FHOD3: variants seen among roughly 807,000 people sequenced by gnomAD.
The protein encoded by FHOD3 is formin homology 2 domain containing 3, also known as FH1/FH2 domain-containing protein 3.
Under a neutral mutation model 173.0 loss-of-function variants are expected in FHOD3, and 90 were observed. The ratio of observed to expected loss-of-function variants is 0.52; its 90% CI spans 0.44 to 0.62. The LOEUF is 0.62. Among genes scored for constraint, FHOD3 ranks in the 20% least tolerant of loss-of-function variants. The probability of loss-of-function intolerance (pLI) is 0.00; values close to 1 mark genes in which losing one functional copy is unlikely to be tolerated. For missense variants in FHOD3, 1,945 were observed against 2,034.7 expected, an observed-to-expected ratio of 0.96 and a Z score of 0.85; for synonymous variants, 828 against 823.0, an observed-to-expected ratio of 1.01 and a Z score of -0.10.
rs376831087 is a variant in FHOD3, at chr18:36,658,206, G to C, written c.1835+18G>C. On this transcript the variant is annotated intron_variant, in intron 14 of 28. Coordinates refer to ENST00000590592, the MANE Select transcript of FHOD3 (RefSeq NM_001281740.3). ...TTGGAAAGGTGAGTTCGACAAGCACGCTGATAGCTTCACAGTCCTCAAGTG... is the reference window on the plus strand; with the variant it reads ...TTGGAAAGGTGAGTTCGACAAGCACCCTGATAGCTTCACAGTCCTCAAGTG... 6.5e-7 allele frequency: 1 copy of C among 1,527,864 alleles called. No homozygotes were observed. The highest frequency in any genetic ancestry group is 1.2e-5 in the South Asian group (1 of 84,642). The allele number at this position is 1,527,864 out of a possible 1,614,324, so 94.6% of individuals were successfully genotyped here.
intron 3 of FHOD3, among the ~76,000 whole-genome samples, chr18:36,494,713 T>C (rs2054648526): frequency 6.6e-6 from 1 of 152,192 alleles, no homozygotes; most frequent in African/African-American, 2.4e-5. Context: ...TGGCCACCCC[T>C]TGGGGCTGTG....
intron 3 of FHOD3, among the ~76,000 whole-genome samples, chr18:36,403,350 A>G (rs1303406265): frequency 2.0e-5 from 3 of 152,198 alleles, no homozygotes; most frequent in Non-Finnish European, 4.4e-5. Context: ...GAAGAAAACT[A>G]GTTAGTTCAC....
rs60591850 is a variant in FHOD3, at chr18:36,680,351, T to C, written c.1836-1085T>C. Among the ~76,000 whole-genome samples the C allele has an allele frequency of 3.7e-3, 560 of 152,344 alleles. 2 individuals are homozygous for C. The highest frequency in any genetic ancestry group is 0.013 in the African/African-American group (533 of 41,588). ...ATCTGTGTTCCCCACCTTGCAGGTATATTTTTCACTGAATCCAGGTAGGAT... is the reference window on the plus strand; with the variant it reads ...ATCTGTGTTCCCCACCTTGCAGGTACATTTTTCACTGAATCCAGGTAGGAT... On this transcript the variant is annotated intron_variant, in intron 14 of 28. Coordinates refer to ENST00000590592, the MANE Select transcript of FHOD3 (RefSeq NM_001281740.3).
intron 3 of FHOD3, among the ~76,000 whole-genome samples, chr18:36,448,954 C>T (rs1198010885): frequency 6.6e-6 from 1 of 151,620 alleles, no homozygotes; most frequent in Non-Finnish European, 1.5e-5. Context: ...CCCTTTCCTC[C>T]CCCTCCCTAC....
At chr18:36,400,451 C>G (rs1312879402) in intron 3 of FHOD3, among the ~76,000 whole-genome samples, 1 of 152,182 alleles carries the variant, frequency 6.6e-6, no homozygotes, top group Non-Finnish European at 1.5e-5. Flanking sequence ...ACTTTCCACT[C>G]AAAGTGTGGT....
intron 3 of FHOD3, among the ~76,000 whole-genome samples, chr18:36,381,694 A>G (rs2047799605): frequency 6.6e-6 from 1 of 152,078 alleles, no homozygotes; most frequent in Admixed American, 6.5e-5. Context: ...TCAGAAGGAG[A>G]CCCCAAATTA....
At chr18:36,510,812 A>T (rs1298523607) in intron 4 of FHOD3, among the ~76,000 whole-genome samples, 1 of 152,168 alleles carries the variant, frequency 6.6e-6, no homozygotes, top group East Asian at 1.9e-4. Flanking sequence ...AGCCATGATT[A>T]TCTTGAAGTC....
intron 3 of FHOD3, among the ~76,000 whole-genome samples, chr18:36,427,691 C>CT (rs2050323365): frequency 6.6e-6 from 1 of 152,168 alleles, no homozygotes; most frequent in Non-Finnish European, 1.5e-5. Context: ...GATCGAGAGA[C>CT]TGTTTTTTTC....
At chr18:36,511,712 C>A (rs7243835) in intron 4 of FHOD3, among the ~76,000 whole-genome samples, 18,628 of 152,130 alleles carry the variant, frequency 0.12, 1,553 homozygotes, top group East Asian at 0.47. Flanking sequence ...CTAGGCAATG[C>A]CCTTGCTGCC....
At chr18:36,598,938 TG>T (rs1315357930) in intron 7 of FHOD3, among the ~76,000 whole-genome samples, 1 of 152,268 alleles carries the variant, frequency 6.6e-6, no homozygotes, top group Non-Finnish European at 1.5e-5. Flanking sequence ...CAGGTTCATC[TG>T]TGGGGCATGG....
intron 1 of FHOD3, among the ~76,000 whole-genome samples, chr18:36,352,798 G>A (rs1027928793): frequency 7.2e-5 from 11 of 152,186 alleles, no homozygotes; most frequent in Non-Finnish European, 1.6e-4. Context: ...TTAAAAATAG[G>A]CAAAGTGTTG....
chr18:36,317,657 T>A (rs1410450198), intron 1 of FHOD3, among the ~76,000 whole-genome samples: 1 of 152,224 alleles, frequency 6.6e-6, no homozygotes, highest in African/African-American at 2.4e-5. Flanking sequence ...TTGCAAAAAT[T>A]TTCTCCCATT....
chr18:36,587,288 T>C (rs1304334919), intron 6 of FHOD3, among the ~76,000 whole-genome samples: 1 of 152,158 alleles, frequency 6.6e-6, no homozygotes, highest in Non-Finnish European at 1.5e-5. Context: ...TAGATGATAA[T>C]GAAGTTAGAA....
At chr18:36,616,986 G>A (rs539426245) in intron 9 of FHOD3, among the ~76,000 whole-genome samples, 4 of 152,140 alleles carry the variant, frequency 2.6e-5, no homozygotes, top group Non-Finnish European at 5.9e-5. Context: ...TGTAAGTGAG[G>A]TTCACAAGGT....
At chr18:36,431,440 C>T (rs1051230429) in intron 3 of FHOD3, among the ~76,000 whole-genome samples, 31 of 152,180 alleles carry the variant, frequency 2.0e-4, no homozygotes, top group African/African-American at 4.6e-4. Context: ...CTGTTTCCAT[C>T]GGTCAAGTCT....
intron 24 of FHOD3, among the ~76,000 whole-genome samples, chr18:36,754,448 A>G (rs2042539232): frequency 6.6e-6 from 1 of 152,168 alleles, no homozygotes; most frequent in Non-Finnish European, 1.5e-5. Context: ...ATTTTAAAAC[A>G]AATAATGTTT....
At chr18:36,561,580 C>T (rs2058083163) in intron 5 of FHOD3, among the ~76,000 whole-genome samples, 1 of 152,186 alleles carries the variant, frequency 6.6e-6, no homozygotes, top group African/African-American at 2.4e-5. Flanking sequence ...ATCATAAAAA[C>T]ACGTTAACCA....
chr18:36,473,557 A>G (rs2053401194), intron 3 of FHOD3, among the ~76,000 whole-genome samples: 1 of 152,224 alleles, frequency 6.6e-6, no homozygotes, highest in Admixed American at 6.5e-5. Flanking sequence ...TAGAGCCCTG[A>G]TTCCCAATTT....
chr18:36,696,516 C>T (rs531102094), intron 17 of FHOD3, among the ~76,000 whole-genome samples: 7 of 152,260 alleles, frequency 4.6e-5, no homozygotes, highest in East Asian at 3.9e-4. Context: ...TCTTACAAAA[C>T]GTACTTTTTA....
Sources: gnomAD v4.1 joint callset for allele counts (sites outside exome capture counted in the v4.1 genomes callset) on GRCh38, gnomAD v4.1.1 for gene constraint, MANE v1.5 for transcripts, NCBI Gene and HGNC (gene_info 2026-07-23, HGNC 2026-07-21) for gene names.